DPP6: variants seen among roughly 807,000 people sequenced by gnomAD.
The protein encoded by DPP6 is dipeptidyl peptidase like 6.
DPP6 carries 69 observed loss-of-function variants against 122.6 expected under a neutral mutation model. The observed-to-expected ratio is 0.56, with a 90% confidence interval of 0.46 to 0.69. The LOEUF (loss-of-function observed/expected upper bound fraction) is 0.69. Among genes scored for constraint, DPP6 ranks in the 30% least tolerant of loss-of-function variants. The pLI is 0.00. For missense variants in DPP6, 928 were observed against 1,116.9 expected, an observed-to-expected ratio of 0.83 and a Z score of 2.41; for synonymous variants, 418 against 433.1, an observed-to-expected ratio of 0.97 and a Z score of 0.43.
intron 1 of DPP6, among the ~76,000 whole-genome samples, chr7:154,079,347 A>G (rs1404796996): frequency 7.0e-6 from 1 of 143,524 alleles, no homozygotes; most frequent in Admixed American, 7.2e-5. Flanking sequence ...ATTTGTAAAA[A>G]AAGACACATC....
In DPP6 at chr7:153,986,360, A is replaced by G. The variant is rs999093214; in HGVS notation, c.51+98626A>G. Among the ~76,000 whole-genome samples the G allele has an allele frequency of 7.2e-5, 11 of 152,126 alleles. No individual in the cohort carries two copies. In the East Asian group the frequency reaches 1.4e-3, roughly 19 times the overall value. ...TTTTTATGGCTTCTTCTGAACTCCT[A>G]CCGAGACCTGTTCATCTCACATCTT... On this transcript the variant is annotated intron_variant, in intron 1 of 25. Coordinates refer to the DPP6 transcript ENST00000404039.
At chr7:153,910,951 C>T (rs922225275) in intron 1 of DPP6, among the ~76,000 whole-genome samples, 5 of 152,194 alleles carry the variant, frequency 3.3e-5, no homozygotes, top group African/African-American at 4.8e-5. Flanking sequence ...TACTTGGCTT[C>T]CCTGCTTCCA....
intron 1 of DPP6, among the ~76,000 whole-genome samples, chr7:154,301,680 T>C (rs560404623): frequency 6.6e-6 from 1 of 152,196 alleles, no homozygotes; most frequent in East Asian, 1.9e-4. Context: ...AGGATAAACT[T>C]AAGTACAATG....
chr7:153,761,309 T>C, the DPP6 span, among the ~76,000 whole-genome samples: 1 of 152,166 alleles, frequency 6.6e-6, no homozygotes, highest in African/African-American at 2.4e-5. Context: ...GACTTTAAAA[T>C]AAAATGGGCC....
chr7:154,410,564 A>T (rs756333327), intron 1 of DPP6, among the ~76,000 whole-genome samples: 2 of 152,140 alleles, frequency 1.3e-5, no homozygotes, highest in Non-Finnish European at 2.9e-5. Context: ...CTTTTTTTCT[A>T]CATTTCTCTA....
In DPP6 at chr7:154,591,619, G is replaced by A. The variant is rs73727307; in HGVS notation, c.627+24703G>A. ...GCAGTTCCTCAGATCCATGGGTCCC[G>A]CCCAGCTGCATGCTGGGAGTGAAAC... On this transcript the variant is annotated intron_variant, in intron 5 of 25. Coordinates refer to ENST00000377770, the MANE Select transcript of DPP6 (RefSeq NM_130797.4). 7.8e-3 allele frequency among the ~76,000 whole-genome samples: 1,194 copies of A among 152,214 alleles called. 20 individuals carry two copies. Among genetic ancestry groups the A allele is most frequent in the African/African-American group, 0.027 (1,134 of 41,526 alleles).
chr7:153,836,346 G>T, the DPP6 span, among the ~76,000 whole-genome samples: 1 of 152,164 alleles, frequency 6.6e-6, no homozygotes, highest in Non-Finnish European at 1.5e-5. Flanking sequence ...TGTACGTGGG[G>T]TGGGGGTACA....
chr7:154,395,131 A>G (rs2151173232), intron 1 of DPP6, among the ~76,000 whole-genome samples: 1 of 152,310 alleles, frequency 6.6e-6, no homozygotes, highest in Admixed American at 6.5e-5. Context: ...TGTTTATCAT[A>G]GATGGTGCCT....
chr7:153,817,887 G>A, the DPP6 span, among the ~76,000 whole-genome samples: 3 of 151,414 alleles, frequency 2.0e-5, no homozygotes, highest in Non-Finnish European at 4.4e-5. Context: ...TGCACATTGT[G>A]CACACGAACC....
the DPP6 span, among the ~76,000 whole-genome samples, chr7:153,815,110 G>C: frequency 2.6e-5 from 4 of 152,124 alleles, no homozygotes; most frequent in Non-Finnish European, 5.9e-5. Context: ...TCTGGCCAGG[G>C]CAATTAGGCA....
chr7:154,397,102 T>C (rs927947970), intron 1 of DPP6, among the ~76,000 whole-genome samples: 2 of 150,782 alleles, frequency 1.3e-5, no homozygotes, highest in Admixed American at 6.6e-5. Flanking sequence ...ATAAGATAAA[T>C]TTAGAAGATA....
intron 1 of DPP6, among the ~76,000 whole-genome samples, chr7:154,416,476 A>G (rs1408504872): frequency 6.6e-6 from 1 of 152,244 alleles, no homozygotes; most frequent in African/African-American, 2.4e-5. Flanking sequence ...CCACAGTCAC[A>G]TAACTTGCAT....
chr7:154,125,833 C>G (rs1227125924), intron 1 of DPP6, among the ~76,000 whole-genome samples: 4 of 152,162 alleles, frequency 2.6e-5, no homozygotes, highest in African/African-American at 9.7e-5. Context: ...GCCTCCCTAG[C>G]AGAGCCCTCG....
intron 1 of DPP6, among the ~76,000 whole-genome samples, chr7:154,332,417 G>T (rs1196921604): frequency 6.6e-6 from 1 of 152,232 alleles, no homozygotes; most frequent in African/African-American, 2.4e-5. Context: ...GGAAGTGTTT[G>T]TTAAAGTACA....
intron 1 of DPP6, among the ~76,000 whole-genome samples, chr7:154,045,344 C>T (rs892562799): frequency 1.3e-5 from 2 of 152,182 alleles, no homozygotes; most frequent in African/African-American, 4.8e-5. Flanking sequence ...TTTGAGAAAT[C>T]TTCCAGGTCA....
intron 1 of DPP6, among the ~76,000 whole-genome samples, chr7:154,167,562 G>C (rs552134719): frequency 3.9e-5 from 6 of 152,322 alleles, no homozygotes; most frequent in Middle Eastern, 3.4e-3. Context: ...CTTTGCGTAC[G>C]CATTTTACAG....
chr7:154,747,843 A>G (rs1175057906), intron 8 of DPP6, among the ~76,000 whole-genome samples: 1 of 152,190 alleles, frequency 6.6e-6, no homozygotes, highest in Non-Finnish European at 1.5e-5. Context: ...AATGTATAAT[A>G]AAAAGCAAAG....
intron 5 of DPP6, among the ~76,000 whole-genome samples, chr7:154,615,221 C>T (rs1040117057): frequency 1.3e-5 from 2 of 152,096 alleles, no homozygotes; most frequent in Non-Finnish European, 2.9e-5. Flanking sequence ...AATGAGGAGG[C>T]CTGGAAGATT....
chr7:154,242,399 T>TGTG (rs1491244280), intron 1 of DPP6, among the ~76,000 whole-genome samples: 1 of 149,316 alleles, frequency 6.7e-6, no homozygotes, highest in Non-Finnish European at 1.5e-5. Flanking sequence ...TGTGTGTGTG[T>TGTG]ATGTGTGTGA....
Sources: allele counts gnomAD v4.1 joint callset (sites outside exome capture counted in the v4.1 genomes callset), GRCh38; gene constraint gnomAD v4.1.1; transcripts MANE v1.5; gene names NCBI Gene and HGNC (gene_info 2026-07-23, HGNC 2026-07-21).